The following TLN2 variants were observed in gnomAD, a reference collection of about 807,000 sequenced individuals.
TLN2 encodes talin-2.
TLN2 carries 118 observed loss-of-function variants against 294.7 expected under a neutral mutation model. The observed-to-expected ratio is 0.40, with a 90% CI of 0.34 to 0.47. The LOEUF (loss-of-function observed/expected upper bound fraction) is 0.47. Among genes scored for constraint, TLN2 ranks in the 20% least tolerant of loss-of-function variants. TLN2 has a pLI of 0.84. For synonymous variants in TLN2, 1,431 were observed against 1,304.5 expected (o/e 1.10, Z -2.09); for missense variants, 3,083 against 3,282.2 (o/e 0.94, Z 1.48).
chr15:62,691,183 T>C (rs1451213442), intron 12 of TLN2, among the ~76,000 whole-genome samples: 1 of 152,216 alleles, frequency 6.6e-6, no homozygotes, highest in African/African-American at 2.4e-5. Context: ...CTTCAGCTAC[T>C]CTATTTTTAT....
At chr15:62,457,025 C>T (rs922092352) in intron 1 of TLN2, among the ~76,000 whole-genome samples, 2 of 152,312 alleles carry the variant, frequency 1.3e-5, no homozygotes. Flanking sequence ...TTTAGTTTGC[C>T]TGTGGCCCTG....
At position 62,763,674 on chromosome 15, in the gene TLN2, G is replaced by A. The variant is rs770235344; in HGVS notation, c.5073G>A (p.Thr1691=). ...CCGCCGTCAGCCAGAGCCTGGCCAC[G>A]AGGGACGACATCTCTGTGGAGGTAA... ...SLAAVSQSLA[T]RDDISVEALQ... The change falls in exon 40 of 59, where the codon ACG becomes ACA. Residue 1691 remains threonine, a synonymous_variant. Coordinates refer to ENST00000636159, the MANE Select transcript of TLN2 (RefSeq NM_015059.3). 24 of 1,610,928 alleles carry A rather than the reference G, an allele frequency of 1.5e-5. No individual in the cohort carries two copies. The highest frequency in any genetic ancestry group is 2.0e-5 in the Non-Finnish European group (23 of 1,178,818).
intron 3 of TLN2, chr15:62,645,036 C>A (rs934394044): frequency 1.2e-5 from 2 of 161,770 alleles, no homozygotes; most frequent in Non-Finnish European, 2.7e-5. Context: ...CTGACTCTTA[C>A]CACCAGTCAT....
At chr15:62,788,622 A>G (rs1244152327) in intron 45 of TLN2, among the ~76,000 whole-genome samples, 4 of 152,184 alleles carry the variant, frequency 2.6e-5, no homozygotes, top group African/African-American at 9.7e-5. Context: ...CCAAGACCAC[A>G]CAACTACAGT....
chr15:62,620,374 G>T (rs891981346), intron 3 of TLN2, among the ~76,000 whole-genome samples: 1 of 152,062 alleles, frequency 6.6e-6, no homozygotes, highest in African/African-American at 2.4e-5. Context: ...GAAGTTTTCC[G>T]TGAAAAACTT....
chr15:62,836,965 A>G (rs1289733273), intron 57 of TLN2, among the ~76,000 whole-genome samples: 1 of 143,470 alleles, frequency 7.0e-6, no homozygotes, highest in Non-Finnish European at 1.5e-5. Context: ...CATGAGTTCC[A>G]TTTTTAATGA....
Position 62,796,301 on chromosome 15 carries a change from G to A in TLN2, c.6050+8G>A. On this transcript the variant is annotated splice_region_variant and intron_variant, in intron 47 of 58. Transcript: ENST00000636159. The stretch of plus-strand genomic sequence containing the variant: ...GACCTTCGCAGACCACAGGTACGTG[G>A]GGGTCCTGGACGGGGAGAGGTTCAG... 6.2e-7 allele frequency: 1 copy of A among 1,611,076 alleles called. No homozygotes were observed. The highest frequency in any genetic ancestry group is 8.5e-7 in the Non-Finnish European group (1 of 1,178,552).
At chr15:62,455,525 C>T (rs1197192419) in intron 1 of TLN2, among the ~76,000 whole-genome samples, 1 of 152,152 alleles carries the variant, frequency 6.6e-6, no homozygotes, top group Admixed American at 6.5e-5. Context: ...GGCCTAGTGT[C>T]GGTTGTGAGC....
At chr15:62,401,117 A>T (rs1292671224) in intron 1 of TLN2, among the ~76,000 whole-genome samples, 3 of 152,108 alleles carry the variant, frequency 2.0e-5, no homozygotes, top group Admixed American at 6.5e-5. Context: ...GTGACACATA[A>T]GTGTTTGGCT....
At chr15:62,764,823 C>T (rs1464507741) in intron 40 of TLN2, among the ~76,000 whole-genome samples, 4 of 151,996 alleles carry the variant, frequency 2.6e-5, no homozygotes, top group Admixed American at 6.5e-5. Flanking sequence ...AAAAATTAGC[C>T]GAGCATGGTG....
intron 7 of TLN2, among the ~76,000 whole-genome samples, chr15:62,654,682 G>T (rs1427196186): frequency 6.7e-6 from 1 of 149,442 alleles, no homozygotes; most frequent in Admixed American, 6.7e-5. Flanking sequence ...TTGAACCCGG[G>T]AGGTGGAGGT....
intron 28 of TLN2, among the ~76,000 whole-genome samples, chr15:62,728,557 G>A (rs1428445416): frequency 6.6e-6 from 1 of 152,128 alleles, no homozygotes; most frequent in Non-Finnish European, 1.5e-5. Context: ...CTCTATCCTT[G>A]TCACCACTTT....
intron 54 of TLN2, chr15:62,828,874 C>T (rs1009236520): frequency 2.6e-5 from 4 of 152,176 alleles, no homozygotes; most frequent in African/African-American, 4.8e-5. Flanking sequence ...GAATAAAACA[C>T]AGTCTCACCC....
chr15:62,564,925 A>AAAAATATATATATATAT (rs759679956), intron 1 of TLN2, among the ~76,000 whole-genome samples: 8 of 80,628 alleles, frequency 9.9e-5, no homozygotes, highest in African/African-American at 3.3e-4. Context: ...AAAAAAAAAA[A>AAAAATATATATATATAT]ATATATATAT....
intron 1 of TLN2, among the ~76,000 whole-genome samples, chr15:62,551,409 C>T (rs185364379): frequency 5.3e-5 from 8 of 152,206 alleles, no homozygotes; most frequent in East Asian, 3.9e-4. Flanking sequence ...TGGTGGTTCA[C>T]GCCTGTAATC....
intron 3 of TLN2, chr15:62,640,213 G>A: frequency 2.2e-6 from 1 of 456,112 alleles, no homozygotes; most frequent in Non-Finnish European, 4.4e-6. Flanking sequence ...AGGGAGTGGA[G>A]AAGGGGAAGC....
chr15:62,763,474 G>C, intron 39 of TLN2, 89 bp from the exon 40 acceptor site: 1 of 1,492,510 alleles, frequency 6.7e-7, no homozygotes. Context: ...GGGAGGAAGT[G>C]GACAGGGATC....
At chr15:62,749,428 G>A (rs1025223364) in intron 33 of TLN2, among the ~76,000 whole-genome samples, 1 of 152,260 alleles carries the variant, frequency 6.6e-6, no homozygotes, top group African/African-American at 2.4e-5. Flanking sequence ...CTAGGTGCCA[G>A]TACTCCGTCC....
intron 50 of TLN2, among the ~76,000 whole-genome samples, 159 bp from the exon 51 acceptor site, chr15:62,805,441 C>T (rs1052419697): frequency 2.0e-5 from 3 of 152,208 alleles, no homozygotes; most frequent in Non-Finnish European, 4.4e-5. Flanking sequence ...AAAACAAGAA[C>T]CATATTACTG....
Sources: allele counts gnomAD v4.1 joint callset (sites outside exome capture counted in the v4.1 genomes callset), GRCh38; gene constraint gnomAD v4.1.1; transcripts MANE v1.5; gene names NCBI Gene and HGNC (gene_info 2026-07-23, HGNC 2026-07-21).